The following PDXK variants were observed in gnomAD, a reference collection of about 807,000 sequenced individuals.
PDXK encodes pyridoxal kinase, also known as epididymis secretory sperm binding protein Li 1a.
Under a neutral mutation model 43.2 loss-of-function variants are expected in PDXK, and 15 were observed. That is an observed-to-expected ratio of 0.35 (90% CI 0.23 to 0.53). PDXK has a LOEUF of 0.53. Ranked by LOEUF, PDXK falls within the 20% of genes least tolerant of loss-of-function variation. The pLI, the probability that PDXK is intolerant of heterozygous loss-of-function variation, is 0.92. For synonymous variants in PDXK, 172 were observed against 165.4 expected, an observed-to-expected ratio of 1.04 and a Z score of -0.31; for missense variants, 343 against 417.0, an observed-to-expected ratio of 0.82 and a Z score of 1.54.
chr21:43,721,064 G>T (rs903027467), intron 1 of PDXK, among the ~76,000 whole-genome samples: 5 of 152,216 alleles, frequency 3.3e-5, no homozygotes, highest in African/African-American at 1.2e-4. Flanking sequence ...ATCCTTACCT[G>T]TGGGCTCCAC....
chr21:43,733,925 T>A, intron 1 of PDXK, 144 bp from the exon 2 acceptor site: 1 of 746,358 alleles, frequency 1.3e-6, no homozygotes, highest in Non-Finnish European at 2.3e-6. Context: ...CCTGCTCTGA[T>A]GCGTCAGCCC....
Position 43,757,408 on chromosome 21 carries a change from T to A in PDXK, c.*1345T>A, listed in dbSNP as rs1430756303. On this transcript the variant is annotated 3_prime_UTR_variant, in exon 11 of 11. Coordinates refer to ENST00000291565, the MANE Select transcript of PDXK (RefSeq NM_003681.5). The stretch of plus-strand genomic sequence containing the variant: ...GAGAGAAATAGGGAGATGCAGGAAG[T>A]GGGGGCCCATGGGGCCCCCAAGAAG... 6.6e-6 allele frequency: 1 copy of A among 152,168 alleles called. No homozygotes were observed. The highest frequency in any genetic ancestry group is 1.5e-5 in the Non-Finnish European group (1 of 68,076). 9.4% of individuals were successfully genotyped at this position (152,168 alleles called of 1,614,324 possible). A position where few individuals can be genotyped will look rare whatever the true frequency, so the allele number is the denominator to read the frequency against.
At chr21:43,740,725 C>T (rs1043842535) in intron 2 of PDXK, among the ~76,000 whole-genome samples, 10 of 151,878 alleles carry the variant, frequency 6.6e-5, no homozygotes, top group East Asian at 3.9e-4. Context: ...GGCTACCCAT[C>T]GGGCCAAGGG....
At chr21:43,745,383 G>A (rs1022523520) in intron 4 of PDXK, among the ~76,000 whole-genome samples, 1 of 150,294 alleles carries the variant, frequency 6.7e-6, no homozygotes, top group Non-Finnish European at 1.5e-5. Context: ...TTGCGCCACT[G>A]CACTCCAGCT....
At chr21:43,726,281 T>TA (rs1183031166) in intron 1 of PDXK, among the ~76,000 whole-genome samples, 2 of 144,282 alleles carry the variant, frequency 1.4e-5, no homozygotes, top group Non-Finnish European at 3.0e-5. Context: ...TTTTTTTTTT[T>TA]TTTTTTTTTG....
At chr21:43,725,034 C>G (rs1420226813) in intron 1 of PDXK, among the ~76,000 whole-genome samples, 1 of 151,984 alleles carries the variant, frequency 6.6e-6, no homozygotes, top group Non-Finnish European at 1.5e-5. Flanking sequence ...GTTAAAACAC[C>G]TGGTGTTGGC....
chr21:43,736,629 G>GTTTTTTTTTTTTT (rs34234452), intron 2 of PDXK, among the ~76,000 whole-genome samples: 1 of 118,646 alleles, frequency 8.4e-6, no homozygotes, highest in African/African-American at 3.4e-5. Flanking sequence ...TCCTTTTTCT[G>GTTTTTTTTTTTTT]TTTTTTTTTT....
chr21:43,746,196 C>A, intron 5 of PDXK, 71 bp downstream of exon 5: 1 of 1,202,682 alleles, frequency 8.3e-7, no homozygotes, highest in African/African-American at 1.5e-5. Flanking sequence ...AGAAGACAGG[C>A]CCACATCTCT....
chr21:43,741,617 C>T, intron 2 of PDXK, 50 bp from the exon 3 acceptor site: 1 of 1,593,506 alleles, frequency 6.3e-7, no homozygotes, highest in Non-Finnish European at 8.6e-7. Flanking sequence ...AGCCCACGGC[C>T]CCAGCTGGCC....
chr21:43,737,158 A>G lies in PDXK; in HGVS notation c.142+3035A>G, dbSNP rs2147244630. 4.1e-6 allele frequency: 6 copies of G among 1,452,290 alleles called. No individual in the cohort carries two copies. Among genetic ancestry groups the G allele is most frequent in the African/African-American group, 1.4e-5 (1 of 71,104 alleles). 90.0% of individuals were successfully genotyped at this position (1,452,290 alleles called of 1,614,324 possible). A position where few individuals can be genotyped will look rare whatever the true frequency, so the allele number is the denominator to read the frequency against. On this transcript the variant is annotated intron_variant, in intron 2 of 10. Transcript: ENST00000291565. This position sits in a 1 kb window ranked among gnomAD's most constrained non-coding sequence, Gnocchi z 4.8. ...CAGCTTCTGCCTGGGATGGGCCACA[A>G]AGCCAGACTCCCGGCAGGGACACGG...
chr21:43,719,205 GGAGCCC>G lies in PDXK; in HGVS notation c.-78_-73del. On this transcript the variant is annotated 5_prime_UTR_variant, in exon 1 of 11. Transcript: ENST00000291565. Reference sequence around the variant, plus strand: ...GTCGCAGCCGAGGGGAGCCGGGGCCGGAGCCCGAGCCCGAGCCGAGCCGGAGCCCGA... The same window carrying G: ...GTCGCAGCCGAGGGGAGCCGGGGCCGGAGCCCGAGCCGAGCCGGAGCCCGA... The G allele has an allele frequency of 1.6e-6, 1 of 643,576 alleles. No homozygotes were observed. Among genetic ancestry groups the G allele is most frequent in the Non-Finnish European group, 2.2e-6 (1 of 459,578 alleles). 39.9% of individuals were successfully genotyped at this position (643,576 alleles called of 1,614,324 possible).
rs922097175 is a variant in PDXK at position 43,754,870 on chromosome 21, C to T, written c.760-828C>T. Among the ~76,000 whole-genome samples the T allele has an allele frequency of 5.9e-5, 9 of 152,148 alleles. No homozygotes were observed. Among genetic ancestry groups the T allele is most frequent in the African/African-American group, 1.2e-4 (5 of 41,424 alleles). ...CAACAAGTCAGTTTCAGCTGAGTGT[C>T]CTGGTGTGTAAAATGGAAGAGGTGG... On this transcript the variant is annotated intron_variant, in intron 9 of 10. Coordinates refer to ENST00000291565, the MANE Select transcript of PDXK (RefSeq NM_003681.5). The surrounding 1 kb of genome is among the most constrained non-coding windows in gnomAD (Gnocchi z 5.5).
intron 6 of PDXK, 69 bp from the exon 7 acceptor site, chr21:43,750,431 A>G: frequency 7.3e-7 from 1 of 1,374,676 alleles, no homozygotes; most frequent in Non-Finnish European, 1.0e-6. Flanking sequence ...GGTTTGGGGA[A>G]TGTCAACACA....
At chr21:43,750,388 G>A in intron 6 of PDXK, 112 bp from the exon 7 acceptor site, 1 of 929,998 alleles carries the variant, frequency 1.1e-6, no homozygotes. Flanking sequence ...AGAGTTAGCT[G>A]CCTGTGGGGA....
chr21:43,734,165 G>A lies in PDXK; in HGVS notation c.142+42G>A, dbSNP rs1214576368. On this transcript the variant is annotated intron_variant, in intron 2 of 10. Coordinates refer to ENST00000291565, the MANE Select transcript of PDXK (RefSeq NM_003681.5). This position sits in a 1 kb window ranked among gnomAD's most constrained non-coding sequence, Gnocchi z 5.0. ...AGCAGCTGGCATAGAGCAGACTGTGGGTGTGAGGGACGGGGCGGAGTGTGG... is the reference window on the plus strand; with the variant it reads ...AGCAGCTGGCATAGAGCAGACTGTGAGTGTGAGGGACGGGGCGGAGTGTGG... 2.6e-6 allele frequency: 4 copies of A among 1,552,920 alleles called. No homozygotes were observed. In the South Asian group the frequency reaches 4.4e-5, roughly 17 times the overall value.
rs775936068 is a variant in PDXK at position 43,755,946 on chromosome 21, C to G, written c.827-5C>G. 1.2e-6 allele frequency: 2 copies of G among 1,601,510 alleles called. No homozygotes were observed. Among genetic ancestry groups the G allele is most frequent in the African/African-American group, 1.3e-5 (1 of 74,676 alleles). On this transcript the variant is annotated splice_polypyrimidine_tract_variant and splice_region_variant and intron_variant, in intron 10 of 10. Transcript: ENST00000291565. The stretch of plus-strand genomic sequence containing the variant: ...GGAACTCAGTGCTCTCTGCCTGCCC[C>G]GCAGCCCAGGCCGGGGAAGGAGTGA...
intron 7 of PDXK, 70 bp downstream of exon 7, chr21:43,750,615 C>A: frequency 8.2e-7 from 1 of 1,222,336 alleles, no homozygotes. Flanking sequence ...GACAGGCTGC[C>A]TGAGTGGCAC....
chr21:43,751,657 C>A (rs1601833622), intron 7 of PDXK, among the ~76,000 whole-genome samples: 1 of 152,186 alleles, frequency 6.6e-6, no homozygotes, highest in South Asian at 2.1e-4. Flanking sequence ...CTGGCGGGGG[C>A]TACTTTGCTA....
At position 43,735,777 on chromosome 21, in the gene PDXK, C is replaced by G. The variant is rs1201751282; in HGVS notation, c.142+1654C>G. On this transcript the variant is annotated intron_variant, in intron 2 of 10. Coordinates refer to ENST00000291565, the MANE Select transcript of PDXK (RefSeq NM_003681.5). The surrounding 1 kb of genome is among the most constrained non-coding windows in gnomAD (Gnocchi z 5.3). ...CTGTCTGTGCGGCCTGATCAGGAGG[C>G]CCCCGGGTAGCTTCCCTAAGGCTGT... Among the ~76,000 whole-genome samples, 4 of 151,766 alleles carry G rather than the reference C, an allele frequency of 2.6e-5. No individual in the cohort carries two copies. The highest frequency in any genetic ancestry group is 9.7e-5 in the African/African-American group (4 of 41,302).
Sources: gnomAD v4.1 joint callset for allele counts (sites outside exome capture counted in the v4.1 genomes callset) on GRCh38, gnomAD v4.1.1 for gene constraint, Gnocchi (gnomAD v3.1) non-coding constraint, MANE v1.5 for transcripts, NCBI Gene and HGNC (gene_info 2026-07-23, HGNC 2026-07-21) for gene names.